SNX18: variants seen among roughly 807,000 people sequenced by gnomAD.
SNX18 encodes sorting nexin 18, also known as sorting nexin-18.
A neutral mutation model predicts 48.7 loss-of-function variants in SNX18; 35 were observed. The ratio of observed to expected loss-of-function variants is 0.72; its 90% CI spans 0.55 to 0.95. The LOEUF (loss-of-function observed/expected upper bound fraction) is 0.95, where lower values mean the gene tolerates loss of function less well. SNX18 is among the 40% of genes least tolerant of loss of function. The probability of loss-of-function intolerance (pLI) is 0.00; values close to 1 mark genes in which losing one functional copy is unlikely to be tolerated. For synonymous variants in SNX18, 492 were observed against 384.7 expected (o/e 1.28, Z -3.26); for missense variants, 824 against 871.0 (o/e 0.95, Z 0.68).
chr5:54,534,975 C>G (rs533343098), intron 1 of SNX18, among the ~76,000 whole-genome samples: 2 of 152,296 alleles, frequency 1.3e-5, no homozygotes, highest in African/African-American at 4.8e-5. Flanking sequence ...TGTGTAAATA[C>G]TGTGATGCTT....
rs1483585666 is a variant in SNX18 at position 54,545,837 on chromosome 5, AT to A, written c.*2410del. On this transcript the variant is annotated 3_prime_UTR_variant, in exon 2 of 2. Coordinates refer to ENST00000381410, the MANE Select transcript of SNX18 (RefSeq NM_001102575.2). ...TGGTCATCATGATCAGTGTGGTACA[AT>A]TTTTAAAAATAAACTATCATGCCCT... The A allele has an allele frequency of 6.6e-6, 1 of 152,208 alleles. No homozygotes were observed. Among genetic ancestry groups the A allele is most frequent in the Non-Finnish European group, 1.5e-5 (1 of 68,042 alleles). The allele number at this position is 152,208 out of a possible 1,614,324, so 9.4% of individuals were successfully genotyped here.
chr5:54,546,730 A>T (rs555680143), downstream of SNX18: 1 of 152,334 alleles, frequency 6.6e-6, no homozygotes, highest in African/African-American at 2.4e-5. Flanking sequence ...CAAACACTGT[A>T]GCTAATTTGA....
the SNX18 span, among the ~76,000 whole-genome samples, chr5:54,591,372 G>A: frequency 6.6e-6 from 1 of 152,106 alleles, no homozygotes; most frequent in African/African-American, 2.4e-5. Context: ...ATTACTTTTT[G>A]TAGCAATGGG....
the SNX18 span, among the ~76,000 whole-genome samples, chr5:54,587,503 A>G: frequency 6.6e-6 from 1 of 152,148 alleles, no homozygotes; most frequent in African/African-American, 2.4e-5. Context: ...CTATAGACTA[A>G]AAACTTGTCA....
At chr5:54,626,799 A>T in the SNX18 span, among the ~76,000 whole-genome samples, 2 of 152,232 alleles carry the variant, frequency 1.3e-5, no homozygotes, top group African/African-American at 4.8e-5. Context: ...CTGCAGCTCT[A>T]AATTATCTGT....
chr5:54,592,195 C>T, the SNX18 span, among the ~76,000 whole-genome samples: 1 of 152,188 alleles, frequency 6.6e-6, no homozygotes, highest in Non-Finnish European at 1.5e-5. Flanking sequence ...CCACTTCCTT[C>T]CCACACATGG....
chr5:54,536,006 A>G (rs950046876), intron 1 of SNX18, among the ~76,000 whole-genome samples: 3 of 152,054 alleles, frequency 2.0e-5, no homozygotes, highest in African/African-American at 4.8e-5. Flanking sequence ...ATTAAGTTGA[A>G]CTCTCAACCA....
chr5:54,579,378 T>A, the SNX18 span, among the ~76,000 whole-genome samples: 2 of 151,918 alleles, frequency 1.3e-5, no homozygotes, highest in Non-Finnish European at 2.9e-5. Context: ...GAGAACCACA[T>A]CATATATATT....
At chr5:54,598,164 C>A in the SNX18 span, among the ~76,000 whole-genome samples, 10 of 152,096 alleles carry the variant, frequency 6.6e-5, no homozygotes, top group Admixed American at 5.9e-4. Flanking sequence ...ATACACCCTC[C>A]CAAGACTGAA....
the SNX18 span, among the ~76,000 whole-genome samples, chr5:54,593,845 T>A: frequency 2.0e-5 from 3 of 152,158 alleles, no homozygotes; most frequent in Non-Finnish European, 4.4e-5. Flanking sequence ...AGGAAAAAAA[T>A]GAATTTCAGT....
At chr5:54,563,428 A>T in the SNX18 span, among the ~76,000 whole-genome samples, 2 of 152,198 alleles carry the variant, frequency 1.3e-5, no homozygotes, top group Non-Finnish European at 2.9e-5. Context: ...ATTGTGTTAC[A>T]GTTGCCTACA....
At chr5:54,531,187 G>A (rs763884995) in intron 1 of SNX18, among the ~76,000 whole-genome samples, 3 of 152,090 alleles carry the variant, frequency 2.0e-5, no homozygotes, top group Non-Finnish European at 4.4e-5. Context: ...TACTCCAGGG[G>A]AAGAGTTGGC....
the SNX18 span, among the ~76,000 whole-genome samples, chr5:54,613,544 G>A: frequency 2.4e-3 from 362 of 152,156 alleles, 1 homozygote; most frequent in African/African-American, 6.9e-3. Flanking sequence ...GTTGCATTGG[G>A]GATGTTTCCA....
At chr5:54,563,126 A>G in the SNX18 span, among the ~76,000 whole-genome samples, 1 of 152,242 alleles carries the variant, frequency 6.6e-6, no homozygotes, top group African/African-American at 2.4e-5. Context: ...AAAAAGTTTA[A>G]ATAAAGTAAA....
intron 1 of SNX18, among the ~76,000 whole-genome samples, chr5:54,524,856 A>G (rs1170877245): frequency 6.6e-6 from 1 of 152,262 alleles, no homozygotes; most frequent in Non-Finnish European, 1.5e-5. Context: ...CTACAGAGAC[A>G]GGTCAGCCAG....
the SNX18 span, among the ~76,000 whole-genome samples, chr5:54,554,311 C>T: frequency 6.6e-6 from 1 of 152,162 alleles, no homozygotes; most frequent in Non-Finnish European, 1.5e-5. Flanking sequence ...TGCCTGGACC[C>T]CACTTTAGAC....
the SNX18 span, among the ~76,000 whole-genome samples, chr5:54,594,398 C>G: frequency 0.18 from 27,905 of 152,118 alleles, 2,770 homozygotes; most frequent in East Asian, 0.29. Flanking sequence ...TTAACACAGC[C>G]AATCTGAGGT....
the SNX18 span, among the ~76,000 whole-genome samples, chr5:54,632,937 G>A: frequency 6.6e-6 from 1 of 151,992 alleles, no homozygotes; most frequent in South Asian, 2.1e-4. Flanking sequence ...ACCATGCCCA[G>A]CTAATTTTTG....
Position 54,519,209 on chromosome 5 carries a change from T to G in SNX18, c.1257T>G (p.Leu419=). 6.2e-7 allele frequency: 1 copy of G among 1,614,106 alleles called. No individual in the cohort carries two copies. Among genetic ancestry groups the G allele is most frequent in the South Asian group, 1.1e-5 (1 of 91,080 alleles). ...TTAGCACGCCCCCCGCCGCTGCCCTTGACCTGCAGGAGGTGGAGAGCAAGA... is the reference window on the plus strand; with the variant it reads ...TTAGCACGCCCCCCGCCGCTGCCCTGGACCTGCAGGAGGTGGAGAGCAAGA... ...LTLSTPPAAA[L]DLQEVESKID... is the part of the protein sequence containing the mutation. The change falls in exon 1 of 2, where the codon CTT becomes CTG. Residue 419 remains leucine, a synonymous_variant. Transcript: ENST00000381410.
Sources: allele counts gnomAD v4.1 joint callset (sites outside exome capture counted in the v4.1 genomes callset), GRCh38; gene constraint gnomAD v4.1.1; transcripts MANE v1.5; gene names NCBI Gene and HGNC (gene_info 2026-07-23, HGNC 2026-07-21).